The following MAGI3 variants were observed in gnomAD, a reference collection of about 807,000 sequenced individuals.
MAGI3 encodes membrane-associated guanylate kinase, WW and PDZ domain-containing protein 3.
MAGI3 carries 43 observed loss-of-function variants against 121.8 expected under a neutral mutation model. That is an observed-to-expected ratio of 0.35 (90% CI 0.28 to 0.46). The LOEUF (loss-of-function observed/expected upper bound fraction) is 0.46. Ranked by LOEUF, MAGI3 falls within the 20% of genes least tolerant of loss-of-function variation. The probability of loss-of-function intolerance (pLI) is 1.00; values close to 1 mark genes in which losing one functional copy is unlikely to be tolerated. For synonymous variants in MAGI3, 553 were observed against 639.3 expected, an observed-to-expected ratio of 0.86 and a Z score of 2.04; for missense variants, 1,547 against 1,797.3, an observed-to-expected ratio of 0.86 and a Z score of 2.52.
At chr1:113,522,879 G>A (rs1343974846) in intron 1 of MAGI3, among the ~76,000 whole-genome samples, 3 of 152,088 alleles carry the variant, frequency 2.0e-5, no homozygotes, top group Non-Finnish European at 4.4e-5. Context: ...TCCTATACAA[G>A]CACACCCAGG....
intron 1 of MAGI3, among the ~76,000 whole-genome samples, chr1:113,494,455 T>C (rs1200178637): frequency 6.6e-6 from 1 of 152,178 alleles, no homozygotes; most frequent in Non-Finnish European, 1.5e-5. Context: ...ACCCCTATGC[T>C]ACAAGTGTAC....
At chr1:113,417,310 A>G (rs534200138) in intron 1 of MAGI3, among the ~76,000 whole-genome samples, 1 of 152,172 alleles carries the variant, frequency 6.6e-6, no homozygotes, top group African/African-American at 2.4e-5. Context: ...ATGTATTTCA[A>G]CGAAATAAAA....
chr1:113,480,217 A>C (rs1426978188), intron 1 of MAGI3, among the ~76,000 whole-genome samples: 1 of 152,076 alleles, frequency 6.6e-6, no homozygotes, highest in East Asian at 1.9e-4. Context: ...AGAAGTAGGC[A>C]CCTCTTCCAG....
intron 1 of MAGI3, among the ~76,000 whole-genome samples, chr1:113,418,870 A>G (rs1652591885): frequency 6.6e-6 from 1 of 152,186 alleles, no homozygotes. Context: ...ATCTATGAAC[A>G]GAAGTGTTGT....
At chr1:113,506,106 G>C (rs1657314266) in intron 1 of MAGI3, among the ~76,000 whole-genome samples, 1 of 152,162 alleles carries the variant, frequency 6.6e-6, no homozygotes, top group African/African-American at 2.4e-5. Context: ...GGCAAGAGAT[G>C]ATGGTGACCC....
At chr1:113,524,992 T>G (rs1658385321) in intron 1 of MAGI3, among the ~76,000 whole-genome samples, 1 of 152,136 alleles carries the variant, frequency 6.6e-6, no homozygotes, top group Non-Finnish European at 1.5e-5. Context: ...TCTTATGAGA[T>G]CCGATGGTTT....
At chr1:113,411,718 G>C (rs1357696596) in intron 1 of MAGI3, among the ~76,000 whole-genome samples, 1 of 149,336 alleles carries the variant, frequency 6.7e-6, no homozygotes, top group Non-Finnish European at 1.5e-5. Flanking sequence ...TTAATTTTTT[G>C]GTTTTTTTTT....
At chr1:113,436,057 G>A (rs766017645) in intron 1 of MAGI3, among the ~76,000 whole-genome samples, 20 of 152,136 alleles carry the variant, frequency 1.3e-4, no homozygotes, top group Middle Eastern at 3.4e-3. Context: ...TGCATCTTAG[G>A]AAAGTTATGT....
intron 6 of MAGI3, among the ~76,000 whole-genome samples, chr1:113,604,464 G>A (rs1396314206): frequency 6.6e-6 from 1 of 151,138 alleles, no homozygotes; most frequent in African/African-American, 2.4e-5. Flanking sequence ...CTACTCGGGA[G>A]GCTGAGGCAG....
chr1:113,437,788 TTCC>T (rs1261924434), intron 1 of MAGI3, among the ~76,000 whole-genome samples: 1 of 150,938 alleles, frequency 6.6e-6, no homozygotes. Flanking sequence ...TTTCTTCTTC[TTCC>T]TTCTTCTTTC....
chr1:113,545,131 CAA>C (rs952216165), intron 1 of MAGI3, among the ~76,000 whole-genome samples: 10 of 149,896 alleles, frequency 6.7e-5, no homozygotes, highest in African/African-American at 2.5e-4. Flanking sequence ...TACTTGGAGA[CAA>C]GAGAGAGACA....
intron 1 of MAGI3, among the ~76,000 whole-genome samples, chr1:113,531,713 G>A (rs1414121245): frequency 7.7e-6 from 1 of 130,054 alleles, no homozygotes. Flanking sequence ...GGTATTGCGG[G>A]GGGTGGGGGT....
intron 1 of MAGI3, among the ~76,000 whole-genome samples, chr1:113,476,682 C>G (rs12082417): frequency 0.024 from 3,584 of 152,102 alleles, 153 homozygotes; most frequent in African/African-American, 0.082. Context: ...GTGGTGCTAA[C>G]AAGAATGTAT....
intron 2 of MAGI3, among the ~76,000 whole-genome samples, chr1:113,557,423 C>G (rs890184607): frequency 2.0e-5 from 3 of 152,196 alleles, no homozygotes; most frequent in Non-Finnish European, 4.4e-5. Flanking sequence ...TCCACCAGGA[C>G]ACAGCTGTTT....
intron 1 of MAGI3, among the ~76,000 whole-genome samples, chr1:113,490,141 A>G (rs1656600768): frequency 1.3e-5 from 2 of 152,226 alleles, no homozygotes; most frequent in African/African-American, 4.8e-5. Context: ...GAAGCTAGAG[A>G]GAAAGGTCAG....
chr1:113,416,349 TA>T (rs1304747718), intron 1 of MAGI3, among the ~76,000 whole-genome samples: 3 of 119,668 alleles, frequency 2.5e-5, no homozygotes, highest in Non-Finnish European at 3.5e-5. Flanking sequence ...ATATATTAAT[TA>T]TATATTAATT....
chr1:113,621,037 T>TAA (rs1024305379), intron 8 of MAGI3, among the ~76,000 whole-genome samples: 2 of 152,188 alleles, frequency 1.3e-5, no homozygotes, highest in Non-Finnish European at 2.9e-5. Flanking sequence ...CCAACTCTGC[T>TAA]TTGGTGGGAA....
At chr1:113,526,732 A>G (rs1006589367) in intron 1 of MAGI3, among the ~76,000 whole-genome samples, 12 of 152,336 alleles carry the variant, frequency 7.9e-5, no homozygotes, top group Middle Eastern at 3.4e-3. Flanking sequence ...TGTTGGCTCA[A>G]TCAGGCTAAA....
At chr1:113,584,220 G>A (rs982244565) in intron 3 of MAGI3, among the ~76,000 whole-genome samples, 2 of 151,914 alleles carry the variant, frequency 1.3e-5, no homozygotes, top group South Asian at 2.1e-4. Flanking sequence ...TTTCTCTAAC[G>A]TTAGCATAAT....
Sources: allele counts gnomAD v4.1 joint callset (sites outside exome capture counted in the v4.1 genomes callset), GRCh38; gene constraint gnomAD v4.1.1; transcripts MANE v1.5; gene names NCBI Gene and HGNC (gene_info 2026-07-23, HGNC 2026-07-21).